KANK2: variants seen among roughly 807,000 people sequenced by gnomAD.
KANK2 encodes KN motif and ankyrin repeat domain-containing protein 2.
A neutral mutation model predicts 74.6 loss-of-function variants in KANK2; 41 were observed. That is an observed-to-expected ratio of 0.55 (90% confidence interval 0.43 to 0.71). The LOEUF (loss-of-function observed/expected upper bound fraction) is 0.71. KANK2 is among the 30% of genes least tolerant of loss of function. KANK2 has a pLI of 0.00. For synonymous variants in KANK2, 537 were observed against 519.0 expected (o/e 1.03, Z -0.47); for missense variants, 1,148 against 1,196.4 (o/e 0.96, Z 0.60).
At chr19:11,169,840 AC>A (rs759281668) in intron 12 of KANK2, 36 bp downstream of exon 12, 2 of 1,516,284 alleles carry the variant, frequency 1.3e-6, no homozygotes, top group Admixed American at 1.7e-5. Flanking sequence ...TCAGAGACCC[AC>A]CCATCCCGTG....
At chr19:11,187,963 A>T (rs2078723746) in intron 4 of KANK2, among the ~76,000 whole-genome samples, 1 of 152,172 alleles carries the variant, frequency 6.6e-6, no homozygotes, top group African/African-American at 2.4e-5. Flanking sequence ...GGATGAAAGG[A>T]ATAAAAATAA....
chr19:11,167,750 A>T (rs1020051169), intron 12 of KANK2, among the ~76,000 whole-genome samples: 6 of 151,318 alleles, frequency 4.0e-5, no homozygotes, highest in African/African-American at 1.5e-4. Context: ...CTGGTCTCGA[A>T]CTCCTGACCT....
At chr19:11,168,226 A>G (rs1340714914) in intron 12 of KANK2, among the ~76,000 whole-genome samples, 2 of 140,536 alleles carry the variant, frequency 1.4e-5, no homozygotes, top group Non-Finnish European at 3.1e-5. Context: ...CTGGTCTTGA[A>G]CCCCTTATCT....
At chr19:11,186,425 G>A (rs2078677502) in intron 4 of KANK2, among the ~76,000 whole-genome samples, 1 of 149,460 alleles carries the variant, frequency 6.7e-6, no homozygotes, top group South Asian at 2.1e-4. Flanking sequence ...GGCCAGGCGC[G>A]GTGGCTCACG....
chr19:11,189,073 G>A (rs923658554), intron 4 of KANK2, among the ~76,000 whole-genome samples: 1 of 150,672 alleles, frequency 6.6e-6, no homozygotes, highest in Non-Finnish European at 1.5e-5. Flanking sequence ...GTACCATGAT[G>A]AACACTTGAC....
rs1299323146 is a variant in KANK2 at position 11,170,548 on chromosome 19, A to G, written c.2212-300T>C. The G allele has an allele frequency of 1.0e-5, 5 of 480,334 alleles. No individual in the cohort carries two copies. Among genetic ancestry groups the G allele is most frequent in the Middle Eastern group, 5.7e-4 (1 of 1,752 alleles). The allele number at this position is 480,334 out of a possible 1,614,324, so 29.8% of individuals were successfully genotyped here. A position where few individuals can be genotyped will look rare whatever the true frequency, so the allele number is the denominator to read the frequency against. On this transcript the variant is annotated intron_variant, in intron 10 of 12. Transcript: ENST00000586659. This position sits in a 1 kb window ranked among gnomAD's most constrained non-coding sequence, Gnocchi z 5.2. The stretch of plus-strand genomic sequence containing the variant: ...GGAACTAGACGGAGGTGTTGGTTGC[A>G]CAACAGGGTGAATGTATTTCATGCC...
chr19:11,168,035 CAG>C (rs1367206770), intron 12 of KANK2, among the ~76,000 whole-genome samples: 57 of 128,452 alleles, frequency 4.4e-4, no homozygotes, highest in African/African-American at 1.6e-3. Flanking sequence ...TTCTTTGAGA[CAG>C]AGTTTTGCTC....
At chr19:11,167,876 C>A (rs1305765398) in intron 12 of KANK2, among the ~76,000 whole-genome samples, 3 of 151,918 alleles carry the variant, frequency 2.0e-5, no homozygotes, top group Non-Finnish European at 4.4e-5. Context: ...AGGGCCTTTG[C>A]ACTGCTTGTT....
Position 11,173,074 on chromosome 19 carries a change from C to CATA in KANK2, c.2115_2117dup (p.Ile705dup). On this transcript the variant is annotated inframe_insertion, in exon 10 of 13. Transcript: ENST00000586659. ...TCTTCAGGGTGGCCAGGGCGGTGAG[C>CATA]ATAATAGGGCTGTAGCCAGCACGGT... 1.9e-6 allele frequency: 3 copies of CATA among 1,614,132 alleles called. No individual in the cohort carries two copies. Among genetic ancestry groups the CATA allele is most frequent in the Non-Finnish European group, 2.5e-6 (3 of 1,180,010 alleles).
rs778525548 is a variant in KANK2 at position 11,193,453 on chromosome 19, G to T, written c.627C>A (p.Ile209=). 6.2e-7 allele frequency: 1 copy of T among 1,612,198 alleles called. No individual in the cohort carries two copies. Among genetic ancestry groups the T allele is most frequent in the Non-Finnish European group, 8.5e-7 (1 of 1,179,962 alleles). Residue 209 remains isoleucine, a synonymous_variant, in exon 4 of 13, where the codon ATC becomes ATA. Transcript: ENST00000586659. The surrounding 1 kb of genome is among the most constrained non-coding windows in gnomAD (Gnocchi z 9.6). ...LRQLEEQVKL[I]PVLQVKLSVL... ...CCGAGAGCTTCACCTGGAGCACAGG[G>T]ATCAGCTTCACCTGCTCCTCCAGCT...
At chr19:11,168,581 T>C (rs112073805) in intron 12 of KANK2, among the ~76,000 whole-genome samples, 11,429 of 152,196 alleles carry the variant, frequency 0.075, 451 homozygotes, top group African/African-American at 0.095. Context: ...CCAGCCTGAT[T>C]GTGTCTCTTA....
At chr19:11,180,067 G>T (rs2078468730) in intron 4 of KANK2, among the ~76,000 whole-genome samples, 1 of 152,040 alleles carries the variant, frequency 6.6e-6, no homozygotes, top group Non-Finnish European at 1.5e-5. Flanking sequence ...TCACTATATT[G>T]CCCAGGCTGG....
chr19:11,187,038 A>G (rs113235524), intron 4 of KANK2, among the ~76,000 whole-genome samples: 34,895 of 151,942 alleles, frequency 0.23, 4,348 homozygotes, highest in South Asian at 0.42. Context: ...CGGACAGATC[A>G]TGAGGTCAGG....
chr19:11,188,270 G>A (rs781281958), intron 4 of KANK2, among the ~76,000 whole-genome samples: 107 of 151,504 alleles, frequency 7.1e-4, no homozygotes, highest in Admixed American at 4.7e-3. Flanking sequence ...GTGCAGCAAT[G>A]CGAGCTCAGC....
chr19:11,173,593 T>C (rs1019607556), intron 9 of KANK2, among the ~76,000 whole-genome samples: 1 of 152,234 alleles, frequency 6.6e-6, no homozygotes, highest in Non-Finnish European at 1.5e-5. Flanking sequence ...TCCAGAGATG[T>C]CACCTCCATC....
Position 11,170,349 on chromosome 19 carries a change from A to T in KANK2, c.2212-101T>A. 1.1e-6 allele frequency: 1 copy of T among 888,354 alleles called. No individual in the cohort carries two copies. Among genetic ancestry groups the T allele is most frequent in the South Asian group, 1.6e-5 (1 of 63,746 alleles). The allele number at this position is 888,354 out of a possible 1,614,324, so 55.0% of individuals were successfully genotyped here. A position where few individuals can be genotyped will look rare whatever the true frequency, so the allele number is the denominator to read the frequency against. ...TAGCTCCCACATACTCTGATGGTGA[A>T]ATGTACCCTCAACTTGCTGATCTCC... On this transcript the variant is annotated intron_variant, in intron 10 of 12. Transcript: ENST00000586659. This position sits in a 1 kb window ranked among gnomAD's most constrained non-coding sequence, Gnocchi z 5.2.
chr19:11,188,094 T>G (rs1444571086), intron 4 of KANK2, among the ~76,000 whole-genome samples: 1 of 152,082 alleles, frequency 6.6e-6, no homozygotes, highest in African/African-American at 2.4e-5. Flanking sequence ...AGGCTGAAGG[T>G]GAAAAAATAA....
At position 11,166,620 on chromosome 19, in the gene KANK2, G is replaced by C. The variant is rs912512407; in HGVS notation, c.2503-9C>G. The C allele has an allele frequency of 1.2e-6, 2 of 1,613,796 alleles. No individual in the cohort carries two copies. Among genetic ancestry groups the C allele is most frequent in the African/African-American group, 1.3e-5 (1 of 75,066 alleles). ...TCTGACATTGGGGCAAACTGAAACA[G>C]AGAAGCAGAATTCTTTTTGTTTGGG... is the stretch of plus-strand genomic sequence containing the variant. On this transcript the variant is annotated splice_polypyrimidine_tract_variant and intron_variant, in intron 12 of 12. Transcript: ENST00000586659.
chr19:11,187,903 C>T (rs2078722192), intron 4 of KANK2, among the ~76,000 whole-genome samples: 1 of 151,996 alleles, frequency 6.6e-6, no homozygotes, highest in African/African-American at 2.4e-5. Flanking sequence ...GCCTGGGCAA[C>T]ATAGTGAGAC....
Sources: allele counts gnomAD v4.1 joint callset (sites outside exome capture counted in the v4.1 genomes callset), GRCh38; gene constraint gnomAD v4.1.1; non-coding constraint Gnocchi (gnomAD v3.1); transcripts MANE v1.5; gene names NCBI Gene and HGNC (gene_info 2026-07-23, HGNC 2026-07-21).